OTUD7B: variants seen among roughly 807,000 people sequenced by gnomAD.
OTUD7B encodes OTU domain-containing protein 7B.
In OTUD7B, 34 loss-of-function variants were observed where a neutral mutation model predicts 82.2. That is an observed-to-expected ratio of 0.41 (90% CI 0.31 to 0.55). The LOEUF is 0.55. Among genes scored for constraint, OTUD7B ranks in the 20% least tolerant of loss-of-function variants. The probability of loss-of-function intolerance (pLI) is 0.20; values close to 1 mark genes in which losing one functional copy is unlikely to be tolerated. For missense variants in OTUD7B, 944 were observed against 1,062.1 expected (o/e 0.89, Z 1.55); for synonymous variants, 398 against 402.7 (o/e 0.99, Z 0.14).
chr1:150,059,811 T>A, the OTUD7B span, among the ~76,000 whole-genome samples: 1 of 152,140 alleles, frequency 6.6e-6, no homozygotes. Context: ...GAAAGAAAAA[T>A]TATTTTAAAA....
the OTUD7B span, among the ~76,000 whole-genome samples, chr1:150,065,973 G>T: frequency 2.6e-5 from 4 of 152,178 alleles, no homozygotes; most frequent in African/African-American, 9.6e-5. Flanking sequence ...CCCTCAAAAA[G>T]TTATGTGCCC....
chr1:149,944,651 A>G lies in OTUD7B; in HGVS notation c.1738T>C (p.Ser580Pro), dbSNP rs1553771555. Reference sequence around the variant, plus strand: ...TACTTGCTCCCTCCGTTACCAACAGACTCAGCTGGGGGCTTCTCAGACACA... The same window carrying G: ...TACTTGCTCCCTCCGTTACCAACAGGCTCAGCTGGGGGCTTCTCAGACACA... ...GPVSEKPPAE[S>P]VGNGGSKYSQ... Residue 580 changes from serine (S) to proline (P), a missense_variant, in exon 12 of 12, where the codon TCT becomes CCT. By Grantham distance (74) the Ser-to-Pro change is moderately conservative (BLOSUM62 -1). Around this residue, in one of 3 missense-constraint regions of OTUD7B, gnomAD observed 412 missense variants for 418.7 expected, o/e 0.98. Coordinates refer to ENST00000581312, the MANE Select transcript of OTUD7B (RefSeq NM_020205.4). The G allele has an allele frequency of 3.7e-6, 6 of 1,613,748 alleles. No homozygotes were observed. In the South Asian group the frequency reaches 6.6e-5, roughly 18 times the overall value.
At position 149,943,336 on chromosome 1, in the gene OTUD7B, G is replaced by T. The variant is rs1412050042; in HGVS notation, c.*521C>A. 1.3e-5 allele frequency: 2 copies of T among 155,356 alleles called. No individual in the cohort carries two copies. Among genetic ancestry groups the T allele is most frequent in the African/African-American group, 4.8e-5 (2 of 41,398 alleles). The allele number at this position is 155,356 out of a possible 1,614,324, so 9.6% of individuals were successfully genotyped here. ...CCTTGTCTTTCCAGATCCTTCAAGG[G>T]GAAGAATTTATCCAACCTTAATTTC... On this transcript the variant is annotated 3_prime_UTR_variant, in exon 12 of 12. Transcript: ENST00000581312.
At chr1:149,964,066 C>T in intron 6 of OTUD7B, 156 bp downstream of exon 6, 1 of 764,752 alleles carries the variant, frequency 1.3e-6, no homozygotes, top group Non-Finnish European at 2.1e-6. Context: ...GGCATTTACC[C>T]CATTGGTGTT....
Position 149,963,537 on chromosome 1 carries a change from T to G in OTUD7B, c.732+685A>C, listed in dbSNP as rs1649297413. ...CCAGGGCTGTATTCTGATAAAAGGT[T>G]TTTTTGTTTTTGTTTTTTTTTGTTT... On this transcript the variant is annotated intron_variant, in intron 6 of 11. Transcript: ENST00000581312. The G allele has an allele frequency of 3.1e-5, 4 of 129,532 alleles. No individual in the cohort carries two copies. The Admixed American group carries it at 3.6e-4, about 12-fold the overall frequency. The allele number at this position is 129,532 out of a possible 1,614,324, so 8.0% of individuals were successfully genotyped here. A position where few individuals can be genotyped will look rare whatever the true frequency, so the allele number is the denominator to read the frequency against.
At chr1:150,023,459 TGAA>T in the OTUD7B span, among the ~76,000 whole-genome samples, 1 of 152,168 alleles carries the variant, frequency 6.6e-6, no homozygotes, top group African/African-American at 2.4e-5. Context: ...CAGAGAGCCT[TGAA>T]GAAGAAGGAA....
chr1:150,060,758 T>C, the OTUD7B span, among the ~76,000 whole-genome samples: 1 of 152,194 alleles, frequency 6.6e-6, no homozygotes, highest in African/African-American at 2.4e-5. Context: ...ATATGAGGAA[T>C]ATCCACATAC....
the OTUD7B span, among the ~76,000 whole-genome samples, chr1:150,051,251 C>T: frequency 9.9e-6 from 1 of 101,158 alleles, no homozygotes; most frequent in Non-Finnish European, 2.1e-5. Flanking sequence ...AAAAAAAAAC[C>T]ACCAACAAAT....
chr1:149,987,034 GAGAA>G (rs1161153085), intron 1 of OTUD7B, among the ~76,000 whole-genome samples: 4 of 152,162 alleles, frequency 2.6e-5, no homozygotes, highest in Non-Finnish European at 5.9e-5. Context: ...AAAGTAAGAA[GAGAA>G]AGAAAGTAAT....
chr1:150,063,361 T>C, the OTUD7B span, among the ~76,000 whole-genome samples: 8 of 152,142 alleles, frequency 5.3e-5, no homozygotes, highest in Admixed American at 2.6e-4. Flanking sequence ...TGAGGCATGA[T>C]AATCACTAGA....
Position 149,964,813 on chromosome 1 carries a change from C to T in OTUD7B, c.605-464G>A, listed in dbSNP as rs1649413390. ...TTCACGATGTTGGCCAGGCTGGTCT[C>T]GAACTCCCAACCTCAGGTGATCCAC... On this transcript the variant is annotated intron_variant, in intron 5 of 11. Transcript: ENST00000581312. Among the ~76,000 whole-genome samples, 5 of 151,620 alleles carry T rather than the reference C, an allele frequency of 3.3e-5. No individual in the cohort carries two copies. The South Asian group carries it at 1.0e-3, about 32-fold the overall frequency.
At position 149,945,425 on chromosome 1, in the gene OTUD7B, T is replaced by C. The variant is rs587634491; in HGVS notation, c.1324-360A>G. Among the ~76,000 whole-genome samples the C allele has an allele frequency of 2.7e-4, 41 of 152,330 alleles. 1 individual carries two copies. The South Asian group carries it at 8.1e-3, about 30-fold the overall frequency. On this transcript the variant is annotated intron_variant, in intron 11 of 11. Transcript: ENST00000581312. ...TCATTTAGAACAATGAGCAACCATA[T>C]GATACGTGGCTTCCGGGTGAGAGGC...
chr1:150,047,942 G>A, the OTUD7B span: 3 of 103,856 alleles, frequency 2.9e-5, no homozygotes, highest in Non-Finnish European at 5.8e-5. Flanking sequence ...GCGACAGAGC[G>A]AGACTACGTT....
chr1:149,949,178 A>G (rs1647993993), intron 9 of OTUD7B, 95 bp from the exon 10 acceptor site: 1 of 737,682 alleles, frequency 1.4e-6, no homozygotes, highest in South Asian at 1.7e-5. Context: ...TAAGGTCTTT[A>G]ATTGTAGTCA....
At chr1:149,980,149 T>C (rs1369775864) in intron 1 of OTUD7B, among the ~76,000 whole-genome samples, 3 of 151,576 alleles carry the variant, frequency 2.0e-5, no homozygotes, top group Non-Finnish European at 4.4e-5. Flanking sequence ...ATCTCACATG[T>C]CAACACAGCA....
chr1:150,025,462 C>T, the OTUD7B span, among the ~76,000 whole-genome samples: 2 of 135,638 alleles, frequency 1.5e-5, no homozygotes, highest in Middle Eastern at 3.6e-3. Flanking sequence ...CACACACACA[C>T]ACACACACAA....
At chr1:150,044,120 T>A in the OTUD7B span, among the ~76,000 whole-genome samples, 1 of 151,886 alleles carries the variant, frequency 6.6e-6, no homozygotes, top group Non-Finnish European at 1.5e-5. Context: ...AAAAAAATAA[T>A]AAAATAAAAT....
At chr1:150,052,483 G>A in the OTUD7B span, among the ~76,000 whole-genome samples, 6 of 152,058 alleles carry the variant, frequency 3.9e-5, no homozygotes, top group Non-Finnish European at 1.5e-5. Flanking sequence ...TCTCTACAAT[G>A]AGAATTACAA....
rs782241099 is a variant in OTUD7B, at chr1:149,944,256, G to C, written c.2133C>G (p.Pro711=). Reference sequence around the variant, plus strand: ...ATGGACCCCCTGCCAACTGCCTCCGGGGTTCCTGGCAGTGGACTCCGCCCC... The same window carrying C: ...ATGGACCCCCTGCCAACTGCCTCCGCGGTTCCTGGCAGTGGACTCCGCCCC... ...PSGGGVHCQE[P]RRQLAGGPCV... The change falls in exon 12 of 12, where the codon CCC becomes CCG. Residue 711 remains proline (P), a synonymous_variant. Coordinates refer to ENST00000581312, the MANE Select transcript of OTUD7B (RefSeq NM_020205.4). 2.5e-6 allele frequency: 4 copies of C among 1,611,942 alleles called. No homozygotes were observed. Among genetic ancestry groups the C allele is most frequent in the Non-Finnish European group, 3.4e-6 (4 of 1,178,658 alleles).
Sources: gnomAD v4.1 joint callset for allele counts (sites outside exome capture counted in the v4.1 genomes callset) on GRCh38, gnomAD v4.1.1 for gene constraint, gnomAD v4.1.1 regional missense constraint, MANE v1.5 for transcripts, NCBI Gene and HGNC (gene_info 2026-07-23, HGNC 2026-07-21) for gene names.